TENM4: variants seen among roughly 807,000 people sequenced by gnomAD.
The protein encoded by TENM4 is teneurin-4.
In TENM4, 82 loss-of-function variants were observed where a neutral mutation model predicts 243.3. That is an observed-to-expected ratio of 0.34 (90% CI 0.28 to 0.40). The LOEUF is 0.40. TENM4 is among the 10% of genes least tolerant of loss of function. The probability of loss-of-function intolerance (pLI) is 1.00; values close to 1 mark genes in which losing one functional copy is unlikely to be tolerated. For missense variants in TENM4, 3,138 were observed against 3,673.3 expected (o/e 0.85, Z 3.77); for synonymous variants, 1,412 against 1,456.3 (o/e 0.97, Z 0.69).
At chr11:79,337,356 A>G (rs1029862209) in intron 1 of TENM4, among the ~76,000 whole-genome samples, 1 of 152,176 alleles carries the variant, frequency 6.6e-6, no homozygotes, top group Non-Finnish European at 1.5e-5. Flanking sequence ...TGTGTATACC[A>G]TGTGATCGTG....
chr11:78,955,019 G>C (rs529422892), intron 6 of TENM4, among the ~76,000 whole-genome samples: 1 of 152,212 alleles, frequency 6.6e-6, no homozygotes, highest in African/African-American at 2.4e-5. Context: ...TCATGATGAG[G>C]CTTCTCCAGA....
At chr11:79,311,362 T>C (rs1856718688) in intron 1 of TENM4, among the ~76,000 whole-genome samples, 1 of 152,194 alleles carries the variant, frequency 6.6e-6, no homozygotes, top group Non-Finnish European at 1.5e-5. Flanking sequence ...GCTAGCACAG[T>C]GTCTGCCCAT....
rs539530111 is a variant in TENM4, at chr11:78,727,410, T to A, written c.3407-1188A>T. Among the ~76,000 whole-genome samples the A allele has an allele frequency of 1.0e-4, 15 of 148,772 alleles. 1 individual carries two copies. Among genetic ancestry groups the A allele is most frequent in the South Asian group, 8.5e-4 (4 of 4,718 alleles). Reference sequence around the variant, plus strand: ...TGCAGTGAGCCACTGCATTCCATCCTGACGACAGAGCGAGACTCCGCCTCA... The same window carrying A: ...TGCAGTGAGCCACTGCATTCCATCCAGACGACAGAGCGAGACTCCGCCTCA... On this transcript the variant is annotated intron_variant, in intron 22 of 33. Transcript: ENST00000278550.
chr11:79,216,628 C>T (rs750830313), intron 2 of TENM4, among the ~76,000 whole-genome samples: 8 of 152,156 alleles, frequency 5.3e-5, no homozygotes, highest in Non-Finnish European at 1.2e-4. Context: ...TGAGTTATCT[C>T]AATCATGGGT....
chr11:78,933,172 C>T (rs570592726), intron 6 of TENM4, among the ~76,000 whole-genome samples: 1 of 152,266 alleles, frequency 6.6e-6, no homozygotes, highest in Non-Finnish European at 1.5e-5. Context: ...AGGTAAAAGG[C>T]TGCCCAGTGC....
At chr11:78,721,751 C>T (rs1565348601) in intron 24 of TENM4, among the ~76,000 whole-genome samples, 1 of 152,192 alleles carries the variant, frequency 6.6e-6, no homozygotes, top group African/African-American at 2.4e-5. Flanking sequence ...CTGTCCTGCT[C>T]ACATGCACCC....
At chr11:79,339,963 C>T (rs894914902) in intron 1 of TENM4, among the ~76,000 whole-genome samples, 2 of 152,064 alleles carry the variant, frequency 1.3e-5, no homozygotes, top group African/African-American at 4.8e-5. Context: ...GAGGAAGTGA[C>T]AGGTCAGCAG....
intron 18 of TENM4, among the ~76,000 whole-genome samples, chr11:78,757,823 A>G (rs1856344399): frequency 6.6e-6 from 1 of 152,156 alleles, no homozygotes; most frequent in Non-Finnish European, 1.5e-5. Flanking sequence ...AGGAGGCTGC[A>G]GGGATATTTG....
At chr11:78,759,897 T>C (rs1856393366) in intron 18 of TENM4, among the ~76,000 whole-genome samples, 1 of 152,206 alleles carries the variant, frequency 6.6e-6, no homozygotes, top group Admixed American at 6.5e-5. Flanking sequence ...TTCTGAGGCA[T>C]ATAATGTTCT....
rs1383097565 is a variant in TENM4, at chr11:79,069,923, G to T, written c.22C>A (p.Pro8Thr). The change falls in exon 5 of 34, where the codon CCT becomes ACT. Residue 8 changes from proline (P) to threonine (T), a missense_variant. Transcript: ENST00000278550. The part of the protein sequence containing the change: MDVKERK[P>T]YRSLTRRRDA... ...CGGCGCCGGGTCAGCGAGCGGTAAG[G>T]CTTCCTCTCCTTCACGTCCATGGCC... 4.5e-6 allele frequency: 7 copies of T among 1,546,624 alleles called. No homozygotes were observed. In the East Asian group the frequency reaches 1.2e-4, roughly 27 times the overall value.
chr11:79,285,685 A>T (rs1240438994), intron 2 of TENM4, among the ~76,000 whole-genome samples: 1 of 152,042 alleles, frequency 6.6e-6, no homozygotes, highest in Non-Finnish European at 1.5e-5. Flanking sequence ...GTGTTGGTGT[A>T]TCAAGAATAA....
intron 4 of TENM4, among the ~76,000 whole-genome samples, chr11:79,087,937 C>T (rs1409977945): frequency 1.3e-5 from 2 of 152,226 alleles, no homozygotes; most frequent in Non-Finnish European, 2.9e-5. Context: ...GGCTGCCTCT[C>T]TACCTTCCAG....
chr11:78,830,943 C>G (rs1214945749), intron 12 of TENM4, among the ~76,000 whole-genome samples: 1 of 152,156 alleles, frequency 6.6e-6, no homozygotes, highest in Non-Finnish European at 1.5e-5. Flanking sequence ...ACAATAGTAG[C>G]CATCACCACC....
At chr11:79,193,736 C>T (rs951672264) in intron 3 of TENM4, among the ~76,000 whole-genome samples, 2 of 152,190 alleles carry the variant, frequency 1.3e-5, no homozygotes, top group Non-Finnish European at 2.9e-5. Context: ...GGGTTCTTCT[C>T]TCCCACCTTG....
rs151236140 is a variant in TENM4 at position 79,268,547 on chromosome 11, A to G, written c.-265+28941T>C. On this transcript the variant is annotated intron_variant, in intron 2 of 33. Transcript: ENST00000278550. ...ATTATTCATGGACTACCTATTCACA[A>G]AATTGTATTTGTGAATTTTGCTATT... Among the ~76,000 whole-genome samples, 54 of 152,286 alleles carry G rather than the reference A, an allele frequency of 3.5e-4. No homozygotes were observed. In the East Asian group the frequency reaches 5.6e-3, roughly 16 times the overall value.
At chr11:78,927,349 A>T (rs1291953517) in intron 6 of TENM4, among the ~76,000 whole-genome samples, 1 of 152,254 alleles carries the variant, frequency 6.6e-6, no homozygotes, top group Non-Finnish European at 1.5e-5. Flanking sequence ...AATGCAGACA[A>T]AATTTGTAAG....
At position 78,658,497 on chromosome 11, in the gene TENM4, G is replaced by A. The variant is rs1446345612; in HGVS notation, c.7871C>T (p.Pro2624Leu). ...CAGGATGGCCAGGTCACCTTCTGAA[G>A]GTCCTGGTTTCACAAAGTAATGGGT... ...VDTHYFVKPG[P>L]SEGDLAILGL... The change falls in exon 34 of 34, where the codon CCT becomes CTT. Residue 2624 changes from proline to leucine, a missense_variant. Transcript: ENST00000278550. The A allele has an allele frequency of 1.9e-6, 3 of 1,613,932 alleles. No individual in the cohort carries two copies. The African/African-American group carries it at 4.0e-5, about 22-fold the overall frequency.
At chr11:79,256,210 C>T (rs574287984) in intron 2 of TENM4, among the ~76,000 whole-genome samples, 36 of 152,304 alleles carry the variant, frequency 2.4e-4, no homozygotes, top group African/African-American at 8.4e-4. Flanking sequence ...ACTACTCCTG[C>T]CCTTTCCTAT....
At chr11:78,709,903 G>T (rs771485907) in intron 26 of TENM4, among the ~76,000 whole-genome samples, 12 of 152,186 alleles carry the variant, frequency 7.9e-5, no homozygotes, top group Non-Finnish European at 1.5e-4. Context: ...GTTCAGAATC[G>T]CAAGAATCAG....
Sources: allele counts gnomAD v4.1 joint callset (sites outside exome capture counted in the v4.1 genomes callset), GRCh38; gene constraint gnomAD v4.1.1; transcripts MANE v1.5; gene names NCBI Gene and HGNC (gene_info 2026-07-23, HGNC 2026-07-21).